Variants in SSBP3 observed in about 807,000 individuals in gnomAD.
SSBP3 encodes single stranded DNA binding protein 3.
A neutral mutation model predicts 69.6 loss-of-function variants in SSBP3; 5 were observed. The observed-to-expected ratio is 0.07, with a 90% CI of 0.04 to 0.15. The LOEUF (loss-of-function observed/expected upper bound fraction) is 0.15. Ranked by LOEUF, SSBP3 falls within the 10% of genes least tolerant of loss-of-function variation. The pLI is 1.00. For missense variants in SSBP3, 312 were observed against 534.0 expected, an observed-to-expected ratio of 0.58 and a Z score of 4.10; for synonymous variants, 196 against 193.4, an observed-to-expected ratio of 1.01 and a Z score of -0.11.
At chr1:54,244,329 C>T (rs1274481330) in intron 9 of SSBP3, among the ~76,000 whole-genome samples, 1 of 152,196 alleles carries the variant, frequency 6.6e-6, no homozygotes, top group African/African-American at 2.4e-5. Flanking sequence ...GTCTCGAACT[C>T]CTTACCTCAG....
At chr1:54,411,353 C>T (rs1326701213), upstream of SSBP3, among the ~76,000 whole-genome samples, 1 of 152,016 alleles carries the variant, frequency 6.6e-6, no homozygotes, top group African/African-American at 2.4e-5. Context: ...TGGCATGTGC[C>T]TGTAATCTCA....
In SSBP3 at chr1:54,241,507, A is replaced by G. The variant is rs776896826; in HGVS notation, c.768T>C (p.Ile256=). Reference sequence around the variant, plus strand: ...TACCAGGTGATGAGGAGGAGTATGGAATCTAAAAACAAGATGTCAGGGAGC... The same window carrying G: ...TACCAGGTGATGAGGAGGAGTATGGGATCTAAAAACAAGATGTCAGGGAGC... Residue 256 remains isoleucine (I), a splice_region_variant and synonymous_variant, in exon 12 of 18, where the codon ATT becomes ATC. Transcript: ENST00000610401. The G allele has an allele frequency of 5.0e-6, 8 of 1,613,970 alleles. No homozygotes were observed. The African/African-American group carries it at 8.0e-5, about 16-fold the overall frequency.
intron 4 of SSBP3, among the ~76,000 whole-genome samples, chr1:54,306,760 C>T (rs1205203472): frequency 1.3e-5 from 2 of 151,976 alleles, no homozygotes; most frequent in Admixed American, 6.6e-5. Context: ...TCCAGGAGTT[C>T]GAAACGAACC....
At chr1:54,381,346 G>A (rs1417420178) in intron 4 of SSBP3, among the ~76,000 whole-genome samples, 2 of 123,782 alleles carry the variant, frequency 1.6e-5, no homozygotes, top group African/African-American at 3.0e-5. Context: ...TCGTGACACT[G>A]TACTCCAGCC....
chr1:54,324,081 G>A (rs1456087512), intron 4 of SSBP3, among the ~76,000 whole-genome samples: 1 of 152,204 alleles, frequency 6.6e-6, no homozygotes, highest in Non-Finnish European at 1.5e-5. Context: ...GAGCCCAGAG[G>A]TTAAGCGTGT....
At chr1:54,312,932 AGGCCAGGAGGGG>A (rs1228061112) in intron 4 of SSBP3, among the ~76,000 whole-genome samples, 1 of 145,814 alleles carries the variant, frequency 6.9e-6, no homozygotes, top group Non-Finnish European at 1.5e-5. Flanking sequence ...CCCAGGAGGG[AGGCCAGGAGGGG>A]GTGGGATGGG....
intron 7 of SSBP3, among the ~76,000 whole-genome samples, chr1:54,256,569 C>T (rs1644924844): frequency 6.6e-6 from 1 of 152,052 alleles, no homozygotes; most frequent in South Asian, 2.1e-4. Flanking sequence ...ACGAACAAAT[C>T]CTTTCTTGTT....
At chr1:54,413,313 A>C (rs1184495100) in intron 1 of SSBP3, 2 of 152,150 alleles carry the variant, frequency 1.3e-5, no homozygotes, top group Non-Finnish European at 2.9e-5. Context: ...ACAGCCCCCA[A>C]ATCTCAGTGG....
chr1:54,303,488 C>G (rs953928918), intron 4 of SSBP3, among the ~76,000 whole-genome samples: 1 of 152,204 alleles, frequency 6.6e-6, no homozygotes, highest in African/African-American at 2.4e-5. Flanking sequence ...ATGCTGAGCC[C>G]TTCCTTGCAC....
intron 9 of SSBP3, among the ~76,000 whole-genome samples, chr1:54,244,134 A>C (rs972744078): frequency 1.4e-4 from 21 of 150,470 alleles, no homozygotes; most frequent in Non-Finnish European, 2.2e-4. Context: ...ATGAAGTCTC[A>C]CTCTTGTTGC....
At chr1:54,375,199 T>C (rs1647198032) in intron 4 of SSBP3, among the ~76,000 whole-genome samples, 1 of 152,080 alleles carries the variant, frequency 6.6e-6, no homozygotes, top group African/African-American at 2.4e-5. Flanking sequence ...ACAACAGCCA[T>C]CATCAGACAG....
chr1:54,262,238 A>G (rs948964977), intron 5 of SSBP3, among the ~76,000 whole-genome samples: 1 of 152,150 alleles, frequency 6.6e-6, no homozygotes, highest in Admixed American at 6.5e-5. Flanking sequence ...TAAGGGATCA[A>G]TTGCCCCATT....
upstream of SSBP3, among the ~76,000 whole-genome samples, chr1:54,407,193 G>A (rs896441527): frequency 6.6e-6 from 1 of 152,208 alleles, no homozygotes; most frequent in Non-Finnish European, 1.5e-5. Context: ...TGAATTAAGA[G>A]GAGGGAGAGT....
chr1:54,295,039 A>G (rs955591783), intron 4 of SSBP3, among the ~76,000 whole-genome samples: 2 of 152,122 alleles, frequency 1.3e-5, no homozygotes, highest in African/African-American at 4.8e-5. Context: ...GCAATCAGAG[A>G]CAAACCACAG....
upstream of SSBP3, among the ~76,000 whole-genome samples, chr1:54,407,109 A>G (rs1452283164): frequency 6.6e-6 from 1 of 151,812 alleles, no homozygotes; most frequent in Non-Finnish European, 1.5e-5. Flanking sequence ...AAAACCCCAA[A>G]GTGGAGCCGC....
intron 4 of SSBP3, among the ~76,000 whole-genome samples, chr1:54,379,053 TAGTC>T (rs997634951): frequency 3.9e-5 from 6 of 152,004 alleles, no homozygotes; most frequent in African/African-American, 1.4e-4. Flanking sequence ...CACTTGTTCA[TAGTC>T]AGCCAGGTTG....
rs753732338 is a variant in SSBP3 at position 54,251,785 on chromosome 1, CCTCT to C, written c.574+5_574+8del. 5 of 1,611,072 alleles carry C rather than the reference CCTCT, an allele frequency of 3.1e-6. No individual in the cohort carries two copies. The highest frequency in any genetic ancestry group is 3.4e-6 in the Non-Finnish European group (4 of 1,179,330). ...CCCAGCCACCCTAGGCCCACCCTGC[CCTCT>C]CTACCTTGTTGTCGTGTGGGATCCA... On this transcript the variant is annotated splice_donor_5th_base_variant and intron_variant, in intron 8 of 17. Transcript: ENST00000610401.
rs1463823469 is a variant in SSBP3 at position 54,283,646 on chromosome 1, T to C, written c.277-2119A>G. On this transcript the variant is annotated intron_variant, in intron 4 of 17. Transcript: ENST00000610401. ...TTGAGCAGACCCCAGATGAAGAGAA[T>C]GGGCAAGCCGCACGTTACTTTTCAA... 2.0e-5 allele frequency among the ~76,000 whole-genome samples: 3 copies of C among 152,214 alleles called. No individual in the cohort carries two copies. The East Asian group carries it at 5.8e-4, about 29-fold the overall frequency.
intron 4 of SSBP3, among the ~76,000 whole-genome samples, chr1:54,289,046 A>AAC (rs1557499538): frequency 4.5e-5 from 2 of 43,972 alleles, no homozygotes; most frequent in East Asian, 2.2e-4. Context: ...ACAAAAAAAC[A>AAC]AAAAAAAAAA....
Sources: allele counts gnomAD v4.1 joint callset (sites outside exome capture counted in the v4.1 genomes callset), GRCh38; gene constraint gnomAD v4.1.1; transcripts MANE v1.5; gene names NCBI Gene and HGNC (gene_info 2026-07-23, HGNC 2026-07-21).